Variants in MAGEA10 observed in about 807,000 individuals in gnomAD.
The protein encoded by MAGEA10 is melanoma-associated antigen 10.
MAGEA10 carries 7 observed loss-of-function variants against 8.6 expected under a neutral mutation model. That is an observed-to-expected ratio of 0.82 (90% CI 0.46 to 1.53). The LOEUF (loss-of-function observed/expected upper bound fraction) is 1.53. Among genes scored for constraint, MAGEA10 ranks in the 40% most tolerant of loss-of-function variants. MAGEA10 has a pLI of 0.01. For synonymous variants in MAGEA10, 125 were observed against 107.4 expected (o/e 1.16, Z -1.02); for missense variants, 293 against 274.0 (o/e 1.07, Z -0.49).
In MAGEA10 at chrX:152,135,368, G is replaced by T. The variant is rs867518742; in HGVS notation, c.253C>A (p.Gln85Lys). Reference sequence around the variant, plus strand: ...GAGGAGCAGGCTATCTGAGCACTCTGGGGAGGATTTGGTGTCTCATCATCA... The same window carrying T: ...GAGGAGCAGGCTATCTGAGCACTCTTGGGAGGATTTGGTGTCTCATCATCA... Reference protein sequence around the residue: ...SADDETPNPPQSAQIACSSPS... With the variant: ...SADDETPNPPKSAQIACSSPS... Residue 85 changes from glutamine (Q) to lysine (K), a missense_variant, in exon 4 of 4, where the codon CAG becomes AAG. By Grantham distance (53) the Gln-to-Lys change is moderately conservative. Coordinates refer to ENST00000370323, the MANE Select transcript of MAGEA10 (RefSeq NM_021048.5). 1.7e-6 allele frequency: 2 copies of T among 1,206,366 alleles called. No individual in the cohort carries two copies. The highest frequency in any genetic ancestry group is 2.3e-4 in the Middle Eastern group (1 of 4,323).
chrX:152,136,726 G>A (rs7880238), intron 2 of MAGEA10, 145 bp downstream of exon 2: 7,580 of 111,357 alleles, frequency 0.068, 419 homozygotes, highest in African/African-American at 0.18. Flanking sequence ...CCAGAGACCA[G>A]TGATCCTTGT....
intron 3 of MAGEA10, 31 bp downstream of exon 3, chrX:152,135,730 A>G (rs1429839328): frequency 1.5e-6 from 1 of 683,259 alleles, no homozygotes; most frequent in African/African-American, 2.2e-5. Flanking sequence ...TGAGAACCAC[A>G]CCCTGGAGGT....
At position 152,134,741 on chromosome X, in the gene MAGEA10, A is replaced by G; in HGVS notation, c.880T>C (p.Tyr294His). 1 of 1,211,205 alleles carries G rather than the reference A, an allele frequency of 8.3e-7. No homozygotes were observed. ...RQVPGSDPARYEFLWGPRAHA... is the reference protein window; with the variant it reads ...RQVPGSDPARHEFLWGPRAHA... The stretch of plus-strand genomic sequence containing the variant: ...GCCCTTGGACCCCACAGAAACTCAT[A>G]CCGTGCAGGATCACTGCCAGGCACC... Residue 294 changes from tyrosine to histidine, a missense_variant, in exon 4 of 4, where the codon TAT becomes CAT. Physicochemically the swap from Tyr to His is moderately conservative, Grantham distance 83 (BLOSUM62 2). Coordinates refer to ENST00000370323, the MANE Select transcript of MAGEA10 (RefSeq NM_021048.5).
At position 152,134,438 on chromosome X, in the gene MAGEA10, A is replaced by C; in HGVS notation, c.*73T>G. 1 of 551,836 alleles carries C rather than the reference A, an allele frequency of 1.8e-6. No homozygotes were observed. Among genetic ancestry groups the C allele is most frequent in the Non-Finnish European group, 2.5e-6 (1 of 399,260 alleles). 45.5% of individuals were successfully genotyped at this position (551,836 alleles called of 1,213,427 possible). A position where few individuals can be genotyped will look rare whatever the true frequency, so the allele number is the denominator to read the frequency against. On this transcript the variant is annotated 3_prime_UTR_variant, in exon 4 of 4. Transcript: ENST00000370323. ...ACCAACTTTTTTTTTTTTTTTTTTTAGATTCCACATATGAGTAAAATCATG... is the reference window on the plus strand; with the variant it reads ...ACCAACTTTTTTTTTTTTTTTTTTTCGATTCCACATATGAGTAAAATCATG...
At position 152,135,597 on chromosome X, in the gene MAGEA10, C is replaced by A; in HGVS notation, c.24G>T (p.Gln8His). The change falls in exon 4 of 4, where the codon CAG (glutamine) becomes CAT (histidine). Residue 8 changes from glutamine (Q) to histidine (H), a missense_variant. Gln to His is a conservative substitution (Grantham distance 24). Coordinates refer to ENST00000370323, the MANE Select transcript of MAGEA10 (RefSeq NM_021048.5). Reference sequence around the variant, plus strand: ...GAAGATCTTCTTCAGGCATGCAGCGCTGACGCTTTGGAGCTCGAGGCATGA... The same window carrying A: ...GAAGATCTTCTTCAGGCATGCAGCGATGACGCTTTGGAGCTCGAGGCATGA... The part of the protein sequence containing the change: MPRAPKR[Q>H]RCMPEEDLQS... 1 of 1,139,797 alleles carries A rather than the reference C, an allele frequency of 8.8e-7. No homozygotes were observed. Among genetic ancestry groups the A allele is most frequent in the Non-Finnish European group, 1.2e-6 (1 of 861,381 alleles). 93.9% of individuals were successfully genotyped at this position (1,139,797 alleles called of 1,213,427 possible). A position where few individuals can be genotyped will look rare whatever the true frequency, so the allele number is the denominator to read the frequency against.
chrX:152,137,622 C>T (rs1250745056), intron 1 of MAGEA10, among the ~76,000 whole-genome samples: 1 of 110,126 alleles, frequency 9.1e-6, no homozygotes, highest in Non-Finnish European at 1.9e-5. Context: ...TCTTCCTCAC[C>T]GTCCTGCCTG....
rs1384964263 is a variant in MAGEA10, at chrX:152,134,681, A to G, written c.940T>C (p.Phe314Leu). The change falls in exon 4 of 4, where the codon TTT becomes CTT. Residue 314 changes from phenylalanine to leucine, a missense_variant. By Grantham distance (22) the Phe-to-Leu change is conservative. Transcript: ENST00000370323. ...TCACTCCCATTTACCTTGGCCAAAA[A>G]TTTCAGGAGACTCATCTTCCTAATT... ...AEIRKMSLLK[F>L]LAKVNGSDPR... 3 of 1,207,880 alleles carry G rather than the reference A, an allele frequency of 2.5e-6. No homozygotes were observed. Among genetic ancestry groups the G allele is most frequent in the African/African-American group, 3.5e-5 (2 of 56,616 alleles).
Position 152,135,029 on chromosome X carries a change from C to T in MAGEA10, c.592G>A (p.Gly198Ser). Residue 198 changes from glycine (G) to serine (S), a missense_variant, in exon 4 of 4, where the codon GGC becomes AGC. Gly to Ser is a moderately conservative substitution (Grantham distance 56). Transcript: ENST00000370323. ...GAGGTGACAAGGACAAAGGAGTGGC[C>T]AGTGGGATCCACTTCCTTTACATCA... is the stretch of plus-strand genomic sequence containing the variant. ...GIDVKEVDPT[G>S]HSFVLVTSLG... 1 of 1,211,317 alleles carries T rather than the reference C, an allele frequency of 8.3e-7. No individual in the cohort carries two copies. Among genetic ancestry groups the T allele is most frequent in the Middle Eastern group, 2.3e-4 (1 of 4,354 alleles).
Position 152,135,222 on chromosome X carries a change from C to T in MAGEA10, c.399G>A (p.Glu133=). 8.3e-7 allele frequency: 1 copy of T among 1,209,972 alleles called. No homozygotes were observed. The highest frequency in any genetic ancestry group is 1.1e-6 in the Non-Finnish European group (1 of 894,494). Residue 133 remains glutamate, a synonymous_variant, in exon 4 of 4, where the codon GAG becomes GAA. Transcript: ENST00000370323. ...CCAAATCAGTCACCTTTTCATCTAT[C>T]TCACTTCTGGGTAAAGACTCACTGT... The part of the protein sequence containing the change: ...LPDSESLPRS[E]IDEKVTDLVQ...
At chrX:152,137,437 GGTGGGCA>G (rs1936702124) in intron 1 of MAGEA10, among the ~76,000 whole-genome samples, 1 of 9,065 alleles carries the variant, frequency 1.1e-4, no homozygotes, top group African/African-American at 5.0e-4. Flanking sequence ...GGGGGGGGGT[GGTGGGCA>G]GGGGAGGGGG....
In MAGEA10 at chrX:152,134,713, T is replaced by C; in HGVS notation, c.908A>G (p.His303Arg). The C allele has an allele frequency of 2.5e-6, 3 of 1,211,308 alleles. No individual in the cohort carries two copies. Among genetic ancestry groups the C allele is most frequent in the South Asian group, 1.8e-5 (1 of 56,937 alleles). ...GAGACTCATCTTCCTAATTTCAGCA[T>C]GAGCCCTTGGACCCCACAGAAACTC... ...RYEFLWGPRA[H>R]AEIRKMSLLK... Residue 303 changes from histidine (H) to arginine (R), a missense_variant, in exon 4 of 4, where the codon CAT becomes CGT. Coordinates refer to ENST00000370323, the MANE Select transcript of MAGEA10 (RefSeq NM_021048.5).
In MAGEA10 at chrX:152,135,686, C is replaced by T; in HGVS notation, c.-65-1G>A. The T allele has an allele frequency of 5.9e-6, 6 of 1,023,473 alleles. No homozygotes were observed. Among genetic ancestry groups the T allele is most frequent in the Non-Finnish European group, 7.8e-6 (6 of 770,280 alleles). The allele number at this position is 1,023,473 out of a possible 1,213,427, so 84.3% of individuals were successfully genotyped here. ...ACTTGGGCGATGGGGACCCACAGGC[C>T]TGGGGAGAGAGGGAGGGTGTAAGTG... is the stretch of plus-strand genomic sequence containing the variant. On this transcript the variant is annotated splice_acceptor_variant, in intron 3 of 3. Transcript: ENST00000370323. LOFTEE classifies it low-confidence loss of function (5UTR_SPLICE).
In MAGEA10 at chrX:152,135,134, T is replaced by G. The variant is rs756555479; in HGVS notation, c.487A>C (p.Ser163Arg). 21 of 1,209,465 alleles carry G rather than the reference T, an allele frequency of 1.7e-5. No homozygotes were observed. The East Asian group carries it at 2.1e-4, about 12-fold the overall frequency. The change falls in exon 4 of 4, where the codon AGT becomes CGT. Residue 163 changes from serine (S) to arginine (R), a missense_variant. By Grantham distance (110) the Ser-to-Arg change is moderately radical. Coordinates refer to ENST00000370323, the MANE Select transcript of MAGEA10 (RefSeq NM_021048.5). ...EPITKAEILE[S>R]VIRNYEDHFP... The stretch of plus-strand genomic sequence containing the variant: ...TGGTCTTCATAATTTCTTATGACAC[T>G]CTCCAGTATTTCTGCCTTTGTGATC...
At position 152,135,308 on chromosome X, in the gene MAGEA10, AT is replaced by A. The variant is rs765210005; in HGVS notation, c.312del (p.Gln104HisfsTer31). 8.3e-7 allele frequency: 1 copy of A among 1,208,688 alleles called. No individual in the cohort carries two copies. The highest frequency in any genetic ancestry group is 1.8e-5 in the South Asian group (1 of 56,626). On this transcript the variant is annotated frameshift_variant, in exon 4 of 4. Coordinates refer to ENST00000370323, the MANE Select transcript of MAGEA10 (RefSeq NM_021048.5). LOFTEE classifies it high-confidence loss of function. ...TTTTGGCTGCTGGAGCCCTCATCAG[AT>A]TGATCTAATGGAAGGGAAGCAACGA... ...PSVVASLPLD[Q>X]SDEGSSSQKE...
Position 152,135,340 on chromosome X carries a change from G to A in MAGEA10, c.281C>T (p.Pro94Leu). The A allele has an allele frequency of 8.3e-7, 1 of 1,210,784 alleles. No individual in the cohort carries two copies. Among genetic ancestry groups the A allele is most frequent in the Non-Finnish European group, 1.1e-6 (1 of 895,164 alleles). Residue 94 changes from proline (P) to leucine (L), a missense_variant, in exon 4 of 4, where the codon CCC becomes CTC. Pro to Leu is a moderately conservative substitution (Grantham distance 98). Transcript: ENST00000370323. The stretch of plus-strand genomic sequence containing the variant: ...TAATGGAAGGGAAGCAACGACCGAG[G>A]GGGAGGAGCAGGCTATCTGAGCACT... ...PQSAQIACSSPSVVASLPLDQ... is the reference protein window; with the variant it reads ...PQSAQIACSSLSVVASLPLDQ...
At chrX:152,137,429 G>T (rs1173963207) in intron 1 of MAGEA10, among the ~76,000 whole-genome samples, 1 of 31,028 alleles carries the variant, frequency 3.2e-5, no homozygotes, top group South Asian at 4.6e-3. Flanking sequence ...GGGGGGGGGG[G>T]GGGGGGTGGT....
In MAGEA10 at chrX:152,134,877, T is replaced by A; in HGVS notation, c.744A>T (p.Glu248Asp). The change falls in exon 4 of 4, where the codon GAA (glutamate) becomes GAT (aspartate). Residue 248 changes from glutamate to aspartate, a missense_variant. Glu to Asp is a conservative substitution (Grantham distance 45). Transcript: ENST00000370323. The part of the protein sequence containing the change: ...GYCTPEEVIW[E>D]ALNMMGLYDG... Reference sequence around the variant, plus strand: ...CATACAGCCCCATCATATTCAGTGCTTCCCAGATGACCTCCTCAGGGGTGC... The same window carrying A: ...CATACAGCCCCATCATATTCAGTGCATCCCAGATGACCTCCTCAGGGGTGC... 1 of 1,211,442 alleles carries A rather than the reference T, an allele frequency of 8.3e-7. No homozygotes were observed. The highest frequency in any genetic ancestry group is 1.1e-6 in the Non-Finnish European group (1 of 895,369).
Position 152,135,439 on chromosome X carries a change from G to A in MAGEA10, c.182C>T (p.Ser61Phe). The change falls in exon 4 of 4, where the codon TCC becomes TTC. Residue 61 changes from serine to phenylalanine, a missense_variant. Ser to Phe is a radical substitution (Grantham distance 155, BLOSUM62 -2). Coordinates refer to ENST00000370323, the MANE Select transcript of MAGEA10 (RefSeq NM_021048.5). Reference protein sequence around the residue: ...SFPSSSSSSSSSCYPLIPSTP... With the variant: ...SFPSSSSSSSFSCYPLIPSTP... ...GCTTGGTATTAGAGGATAGCAGGAG[G>A]AGGAGGAGGAAGAGGAGGAGGAGGG... The A allele has an allele frequency of 8.4e-7, 1 of 1,194,596 alleles. No homozygotes were observed. The highest frequency in any genetic ancestry group is 1.9e-5 in the South Asian group (1 of 53,408).
chrX:152,135,465 A>G lies in MAGEA10; in HGVS notation c.156T>C (p.Phe52=). The change falls in exon 4 of 4, where the codon TTT becomes TTC. Residue 52 remains phenylalanine, a synonymous_variant. Transcript: ENST00000370323. ...AGGAGGAGGAAGAGGAGGAGGAGGG[A>G]AAAGAGGATGGAAAAGAGGAGCTGG... ...TSTSSSFPSS[F]PSSSSSSSSS... is the part of the protein sequence containing the mutation. 8.3e-7 allele frequency: 1 copy of G among 1,198,913 alleles called. No homozygotes were observed. Among genetic ancestry groups the G allele is most frequent in the South Asian group, 1.8e-5 (1 of 54,097 alleles).
Sources: gnomAD v4.1 joint callset for allele counts (sites outside exome capture counted in the v4.1 genomes callset) on GRCh38, gnomAD v4.1.1 for gene constraint, MANE v1.5 for transcripts, NCBI Gene and HGNC (gene_info 2026-07-23, HGNC 2026-07-21) for gene names.